The following MTMR4 variants were observed in gnomAD, a reference collection of about 807,000 sequenced individuals.
MTMR4 encodes phosphatidylinositol-3,5-bisphosphate 3-phosphatase MTMR4.
Under a neutral mutation model 125.5 loss-of-function variants are expected in MTMR4, and 30 were observed. The observed-to-expected ratio is 0.24, with a 90% CI of 0.18 to 0.32. MTMR4 has a LOEUF of 0.32. Among genes scored for constraint, MTMR4 ranks in the 10% least tolerant of loss-of-function variants. The pLI, the probability that MTMR4 is intolerant of heterozygous loss-of-function variation, is 1.00. For synonymous variants in MTMR4, 498 were observed against 564.5 expected (o/e 0.88, Z 1.67); for missense variants, 1,039 against 1,511.5 (o/e 0.69, Z 5.18).
In MTMR4 at chr17:58,504,051, A is replaced by C. The variant is rs543337583; in HGVS notation, c.1697T>G (p.Met566Arg). The change falls in exon 13 of 18, where the codon ATG becomes AGG. Residue 566 changes from methionine to arginine, a missense_variant and splice_region_variant. Transcript: ENST00000682306. This position sits in a 1 kb window ranked among gnomAD's most constrained non-coding sequence, Gnocchi z 7.1. ...TACAGGAAAAGGGCTCAGACTCACC[A>C]TGTCTGAGCTGGGTGTGTAGAGGAA... The part of the protein sequence containing the change: ...HNFLYTPSSD[M>R]VLHPVCHVRA... 29 of 1,549,686 alleles carry C rather than the reference A, an allele frequency of 1.9e-5. No homozygotes were observed. The African/African-American group carries it at 3.3e-4, about 18-fold the overall frequency.
At chr17:58,513,275 A>G (rs546129935) in intron 1 of MTMR4, among the ~76,000 whole-genome samples, 4 of 152,324 alleles carry the variant, frequency 2.6e-5, no homozygotes, top group South Asian at 2.1e-4. Context: ...TTAGACCCGC[A>G]TAAGGGTAAG....
chr17:58,495,979 C>T lies in MTMR4; in HGVS notation c.2205G>A (p.Glu735=), dbSNP rs1975454882. 6.2e-7 allele frequency: 1 copy of T among 1,614,014 alleles called. No homozygotes were observed. Among genetic ancestry groups the T allele is most frequent in the African/African-American group, 1.3e-5 (1 of 74,920 alleles). Residue 735 remains glutamate, a synonymous_variant, in exon 15 of 18, where the codon GAG becomes GAA. Transcript: ENST00000682306. ...CCTTAGTCTCTTCTAGGACTTTGAT[C>T]TCAGGATCAGAGGTGTTGCTCTTCA... ...REMKSNTSDP[E]IKVLEETKGP... is the part of the protein sequence containing the mutation.
rs1975728092 is a variant in MTMR4 at position 58,504,622 on chromosome 17, G to A, written c.1342-134C>T. 12 of 1,350,392 alleles carry A rather than the reference G, an allele frequency of 8.9e-6. No homozygotes were observed. The highest frequency in any genetic ancestry group is 1.1e-5 in the Non-Finnish European group (11 of 993,714). The allele number at this position is 1,350,392 out of a possible 1,614,324, so 83.7% of individuals were successfully genotyped here. On this transcript the variant is annotated intron_variant, in intron 11 of 17. Transcript: ENST00000682306. The surrounding 1 kb of genome is among the most constrained non-coding windows in gnomAD (Gnocchi z 7.1). ...GACTGGACCTAGAAGAGGACTCAAAGCCACCAATTTTCCAAGCCTTTGGGA... is the reference window on the plus strand; with the variant it reads ...GACTGGACCTAGAAGAGGACTCAAAACCACCAATTTTCCAAGCCTTTGGGA...
rs1975717384 is a variant in MTMR4, at chr17:58,504,163, G to A, written c.1585C>T (p.Pro529Ser). 6.2e-7 allele frequency: 1 copy of A among 1,612,970 alleles called. No individual in the cohort carries two copies. The highest frequency in any genetic ancestry group is 1.1e-5 in the South Asian group (1 of 90,948). Residue 529 changes from proline to serine, a missense_variant, in exon 13 of 18, where the codon CCC becomes TCC. Pro to Ser is a moderately conservative substitution (Grantham distance 74). This residue lies in a region of MTMR4 where 619 missense variants were observed against 714.5 expected (regional missense o/e 0.87). Transcript: ENST00000682306. The surrounding 1 kb of genome is among the most constrained non-coding windows in gnomAD (Gnocchi z 7.1). ...ATGTTGCGCTTCTCTCGCTCACAGG[G>A]GTTGTTGGCCAGGAAGGTGCCGTAG... ...CLYGTFLANN[P>S]CEREKRNIYK... is the part of the protein sequence containing the mutation.
chr17:58,506,653 C>A, intron 9 of MTMR4, 90 bp downstream of exon 9: 2 of 1,519,418 alleles, frequency 1.3e-6, no homozygotes, highest in Non-Finnish European at 1.8e-6. Context: ...TGTTTGGGCT[C>A]TTTCCACTAT....
chr17:58,503,628 C>T (rs918875289), intron 14 of MTMR4, 116 bp downstream of exon 14: 21 of 1,324,540 alleles, frequency 1.6e-5, no homozygotes, highest in Non-Finnish European at 1.6e-5. Flanking sequence ...CCACCCTGGG[C>T]GACAAAGTGA....
chr17:58,501,876 T>C (rs902742276), intron 14 of MTMR4, among the ~76,000 whole-genome samples: 3 of 151,752 alleles, frequency 2.0e-5, no homozygotes, highest in Admixed American at 2.0e-4. Context: ...GTGACCAACA[T>C]GGTAAAACCC....
upstream of MTMR4, chr17:58,515,043 C>A (rs1238458800): frequency 2.0e-6 from 2 of 985,298 alleles, no homozygotes; most frequent in Non-Finnish European, 2.4e-6. Flanking sequence ...TTAAACCTTT[C>A]TTTCCCCTTA....
At position 58,504,077 on chromosome 17, in the gene MTMR4, G is replaced by A. The variant is rs943206842; in HGVS notation, c.1671C>T (p.Asn557=). ...TGTCTGAGCTGGGTGTGTAGAGGAA[G>A]TTATGAAAGTTTTTATTGCCAGCTC... The part of the protein sequence containing the change: ...LLRAGNKNFH[N]FLYTPSSDMV... Residue 557 remains asparagine (N), a synonymous_variant, in exon 13 of 18, where the codon AAC becomes AAT. Transcript: ENST00000682306. The surrounding 1 kb of genome is among the most constrained non-coding windows in gnomAD (Gnocchi z 7.1). 7 of 1,575,832 alleles carry A rather than the reference G, an allele frequency of 4.4e-6. No homozygotes were observed. The Admixed American group carries it at 9.4e-5, about 21-fold the overall frequency.
At position 58,495,200 on chromosome 17, in the gene MTMR4, A is replaced by ATCT; in HGVS notation, c.2981_2983dup (p.Gln994_Met995insLys). 1 of 1,614,252 alleles carries ATCT rather than the reference A, an allele frequency of 6.2e-7. No individual in the cohort carries two copies. Among genetic ancestry groups the ATCT allele is most frequent in the Non-Finnish European group, 8.5e-7 (1 of 1,180,048 alleles). On this transcript the variant is annotated inframe_insertion, in exon 15 of 18. Coordinates refer to ENST00000682306, the MANE Select transcript of MTMR4 (RefSeq NM_001378067.1). Reference sequence around the variant, plus strand: ...TTGCTTTGGATGACTGGACAACCACATCTGGTTCTTTCCTCCTGGGCCAGT... The same window carrying ATCT: ...TTGCTTTGGATGACTGGACAACCACATCTTCTGGTTCTTTCCTCCTGGGCCAGT...
Position 58,507,160 on chromosome 17 carries a change from C to T in MTMR4, c.867G>A (p.Gly289=). 3 of 1,614,152 alleles carry T rather than the reference C, an allele frequency of 1.9e-6. No homozygotes were observed. Among genetic ancestry groups the T allele is most frequent in the Non-Finnish European group, 2.5e-6 (3 of 1,180,016 alleles). ...TRATGGSLST[G]NNDTSEACDA... is the part of the protein sequence containing the mutation. ...CACACGCCTCGCTGGTATCATTATT[C>T]CCGGTGCTGAGGGAGCCCCCAGTGG... The change falls in exon 8 of 18, where the codon GGG becomes GGA. Residue 289 remains glycine (G), a synonymous_variant. Coordinates refer to ENST00000682306, the MANE Select transcript of MTMR4 (RefSeq NM_001378067.1).
Position 58,508,455 on chromosome 17 carries a change from C to T in MTMR4, c.593+13G>A, listed in dbSNP as rs761079065. ...TTTGGTGTGGAAGGTGTTTTGGTCC[C>T]CAACCCTCTCACTTGTAGTTGCTGT... On this transcript the variant is annotated intron_variant, in intron 6 of 17. Transcript: ENST00000682306. This position sits in a 1 kb window ranked among gnomAD's most constrained non-coding sequence, Gnocchi z 4.8. The T allele has an allele frequency of 3.1e-6, 5 of 1,613,816 alleles. No homozygotes were observed. Among genetic ancestry groups the T allele is most frequent in the Non-Finnish European group, 4.2e-6 (5 of 1,179,808 alleles).
chr17:58,498,381 G>C (rs1340354115), intron 14 of MTMR4, among the ~76,000 whole-genome samples: 1 of 151,720 alleles, frequency 6.6e-6, no homozygotes, highest in Non-Finnish European at 1.5e-5. Context: ...TAATACCTGA[G>C]TTTACAACAA....
chr17:58,517,590 G>T (rs562489766), upstream of MTMR4, among the ~76,000 whole-genome samples: 5 of 152,378 alleles, frequency 3.3e-5, no homozygotes, highest in African/African-American at 1.2e-4. Context: ...TCAGGCCTGG[G>T]AGGCCCAGGG....
At chr17:58,511,367 C>T in intron 4 of MTMR4, 62 bp downstream of exon 4, 5 of 1,386,454 alleles carry the variant, frequency 3.6e-6, no homozygotes, top group Non-Finnish European at 5.0e-6. Context: ...AGAAACCCTG[C>T]AGCACAGAGA....
rs1039373680 is a variant in MTMR4, at chr17:58,490,301, G to T, written c.*1362C>A. ...TTAAGGAAAACTGTATAAAGTCCTA[G>T]TGGTTTCATTATAGGCCAAGGAGAC... is the stretch of plus-strand genomic sequence containing the variant. On this transcript the variant is annotated 3_prime_UTR_variant, in exon 18 of 18. Transcript: ENST00000682306. The T allele has an allele frequency of 9.8e-5, 15 of 152,550 alleles. No individual in the cohort carries two copies. Among genetic ancestry groups the T allele is most frequent in the African/African-American group, 3.6e-4 (15 of 41,412 alleles). The allele number at this position is 152,550 out of a possible 1,614,324, so 9.4% of individuals were successfully genotyped here. A position where few individuals can be genotyped will look rare whatever the true frequency, so the allele number is the denominator to read the frequency against.
Position 58,492,848 on chromosome 17 carries a change from C to T in MTMR4, c.3357G>A (p.Glu1119=). 6.2e-7 allele frequency: 1 copy of T among 1,614,044 alleles called. No individual in the cohort carries two copies. Among genetic ancestry groups the T allele is most frequent in the Non-Finnish European group, 8.5e-7 (1 of 1,179,894 alleles). The change falls in exon 16 of 18, where the codon GAG becomes GAA. Residue 1119 remains glutamate, a synonymous_variant. Transcript: ENST00000682306. Reference sequence around the variant, plus strand: ...CATATGTGCCTAAACATACCTCAGTCTCTTTCTTATCAACAGGTTCCCAGC... The same window carrying T: ...CATATGTGCCTAAACATACCTCAGTTTCTTTCTTATCAACAGGTTCCCAGC... ...EASWEPVDKK[E]TEVTRWVPDH... is the part of the protein sequence containing the mutation.
Position 58,495,031 on chromosome 17 carries a change from C to A in MTMR4, c.3153G>T (p.Glu1051Asp). Residue 1051 changes from glutamate to aspartate, a missense_variant, in exon 15 of 18, where the codon GAG becomes GAT. Physicochemically the swap from Glu to Asp is conservative, Grantham distance 45. Around this residue, in one of 6 missense-constraint regions of MTMR4, gnomAD observed 619 missense variants for 714.5 expected, o/e 0.87. Coordinates refer to ENST00000682306, the MANE Select transcript of MTMR4 (RefSeq NM_001378067.1). ...QIEAGYKQEV[E>D]QLRRQVRELQ... ...GCTCACGCACCTGTCGACGTAGCTG[C>A]TCCACCTCTTGTTTGTACCCTGCTT... 1 of 1,614,238 alleles carries A rather than the reference C, an allele frequency of 6.2e-7. No homozygotes were observed. Among genetic ancestry groups the A allele is most frequent in the Non-Finnish European group, 8.5e-7 (1 of 1,180,038 alleles).
intron 4 of MTMR4, among the ~76,000 whole-genome samples, chr17:58,510,300 C>T (rs1162855129): frequency 6.6e-6 from 1 of 152,164 alleles, no homozygotes; most frequent in Non-Finnish European, 1.5e-5. Context: ...CACACGTGCT[C>T]TACTCCAACA....
Sources: allele counts gnomAD v4.1 joint callset (sites outside exome capture counted in the v4.1 genomes callset), GRCh38; gene constraint gnomAD v4.1.1; regional missense constraint gnomAD v4.1.1; non-coding constraint Gnocchi (gnomAD v3.1); transcripts MANE v1.5; gene names NCBI Gene and HGNC (gene_info 2026-07-23, HGNC 2026-07-21).